The following RBFOX1 variants were observed in gnomAD, a reference collection of about 807,000 sequenced individuals.
The protein encoded by RBFOX1 is RNA binding protein fox-1 homolog 1.
Under a neutral mutation model 57.7 loss-of-function variants are expected in RBFOX1, and 8 were observed. That is an observed-to-expected ratio of 0.14 (90% confidence interval 0.08 to 0.25). The LOEUF (loss-of-function observed/expected upper bound fraction) is 0.25, where lower values mean the gene tolerates loss of function less well. Among genes scored for constraint, RBFOX1 ranks in the 10% least tolerant of loss-of-function variants. The pLI, the probability that RBFOX1 is intolerant of heterozygous loss-of-function variation, is 1.00. For synonymous variants in RBFOX1, 326 were observed against 222.4 expected, an observed-to-expected ratio of 1.47 and a Z score of -4.15; for missense variants, 611 against 548.5, an observed-to-expected ratio of 1.11 and a Z score of -1.14.
chr16:6,212,801 A>G (rs184111038), intron 1 of RBFOX1, among the ~76,000 whole-genome samples: 6 of 152,144 alleles, frequency 3.9e-5, no homozygotes, highest in African/African-American at 7.2e-5. Context: ...TAGATAAGAC[A>G]TACTCTTTAA....
chr16:7,115,529 C>G (rs1012074034), intron 4 of RBFOX1, among the ~76,000 whole-genome samples: 5 of 152,160 alleles, frequency 3.3e-5, no homozygotes, highest in African/African-American at 7.2e-5. Flanking sequence ...TGTCAAGGCT[C>G]TCTTTGAGGG....
At chr16:6,963,222 GTAGCAT>G (rs1243435039) in intron 3 of RBFOX1, among the ~76,000 whole-genome samples, 2 of 152,072 alleles carry the variant, frequency 1.3e-5, no homozygotes. Flanking sequence ...CTGTAAAGAG[GTAGCAT>G]CAAAAGCAGC....
rs118064108 is a variant in RBFOX1 at position 6,065,109 on chromosome 16, C to G, written c.-127+45117C>G. Among the ~76,000 whole-genome samples the G allele has an allele frequency of 1.4e-3, 207 of 151,770 alleles. 3 individuals are homozygous for G. The East Asian group carries it at 0.034, about 25-fold the overall frequency. On this transcript the variant is annotated intron_variant, in intron 1 of 15. Transcript: ENST00000550418. ...ATGGTGTGATCCTGGCTTACTGCAG[C>G]CTTGACCTCCCGGGCTCAAGTGATC...
chr16:5,719,998 G>A (rs986879049), intron 3 of RBFOX1, among the ~76,000 whole-genome samples: 23 of 152,004 alleles, frequency 1.5e-4, no homozygotes, highest in Admixed American at 9.8e-4. Flanking sequence ...ATCTGTTTCC[G>A]AAGCGGCTGC....
intron 1 of RBFOX1, among the ~76,000 whole-genome samples, chr16:5,327,584 C>T (rs1242856089): frequency 6.6e-6 from 1 of 152,178 alleles, no homozygotes; most frequent in African/African-American, 2.4e-5. Flanking sequence ...CCCCAATCTG[C>T]ACAATAGGTT....
At chr16:5,689,814 AAAG>A (rs2050616269) in intron 3 of RBFOX1, among the ~76,000 whole-genome samples, 1 of 151,806 alleles carries the variant, frequency 6.6e-6, no homozygotes, top group African/African-American at 2.4e-5. Flanking sequence ...CCAAAAAAAA[AAAG>A]AAGGAACACA....
chr16:6,007,950 C>T (rs2094937018), intron 4 of RBFOX1, among the ~76,000 whole-genome samples: 3 of 152,122 alleles, frequency 2.0e-5, no homozygotes, highest in Admixed American at 2.0e-4. Flanking sequence ...CAGTGGCTCA[C>T]ATCTGTAATC....
chr16:7,371,665 G>A (rs371438855), intron 4 of RBFOX1, among the ~76,000 whole-genome samples: 8 of 152,120 alleles, frequency 5.3e-5, no homozygotes, highest in African/African-American at 1.4e-4. Context: ...CAGGAGAATC[G>A]CTTGAACCCA....
chr16:6,518,066 G>T (rs189944869), intron 2 of RBFOX1, among the ~76,000 whole-genome samples: 2 of 152,126 alleles, frequency 1.3e-5, no homozygotes, highest in African/African-American at 2.4e-5. Flanking sequence ...TCAAGTTGGA[G>T]ATTTTCCTTT....
At chr16:7,005,003 G>C (rs924920723) in intron 3 of RBFOX1, among the ~76,000 whole-genome samples, 3 of 152,176 alleles carry the variant, frequency 2.0e-5, no homozygotes, top group African/African-American at 7.2e-5. Flanking sequence ...AATTAGCAGA[G>C]CATGATGGTG....
chr16:7,050,940 G>T (rs1190468181), intron 3 of RBFOX1, among the ~76,000 whole-genome samples: 2 of 152,014 alleles, frequency 1.3e-5, no homozygotes, highest in African/African-American at 4.8e-5. Context: ...TTGGGGCTCT[G>T]GTGCATCCTT....
chr16:7,710,399 G>C (rs2083815154), intron 15 of RBFOX1: 1 of 1,389,662 alleles, frequency 7.2e-7, no homozygotes, highest in Non-Finnish European at 9.2e-7. Context: ...TAAGAGGACT[G>C]GCTGACAGAA....
At chr16:6,492,670 C>G (rs1321554437) in intron 2 of RBFOX1, among the ~76,000 whole-genome samples, 1 of 152,104 alleles carries the variant, frequency 6.6e-6, no homozygotes, top group Non-Finnish European at 1.5e-5. Flanking sequence ...TGTGAAGATG[C>G]AGCTTGGTTC....
intron 4 of RBFOX1, among the ~76,000 whole-genome samples, chr16:5,924,964 A>G (rs954376061): frequency 2.0e-5 from 3 of 152,192 alleles, no homozygotes; most frequent in Non-Finnish European, 4.4e-5. Flanking sequence ...AAGTTGGTTC[A>G]GGGACCTTCC....
At chr16:6,143,131 A>T (rs2096731569) in intron 1 of RBFOX1, among the ~76,000 whole-genome samples, 1 of 152,216 alleles carries the variant, frequency 6.6e-6, no homozygotes, top group Non-Finnish European at 1.5e-5. Context: ...TGTCTGGGCC[A>T]CACTTTGTCC....
intron 4 of RBFOX1, among the ~76,000 whole-genome samples, chr16:7,314,468 T>C (rs886322685): frequency 6.6e-6 from 1 of 152,308 alleles, no homozygotes; most frequent in African/African-American, 2.4e-5. Flanking sequence ...TGTGCGGTTG[T>C]GTATGTGTGT....
At chr16:5,538,740 C>T (rs2044807654) in intron 2 of RBFOX1, among the ~76,000 whole-genome samples, 1 of 151,778 alleles carries the variant, frequency 6.6e-6, no homozygotes. Context: ...GATTGTCCTG[C>T]CTTAGACTCC....
intron 4 of RBFOX1, among the ~76,000 whole-genome samples, chr16:7,430,038 C>G (rs969487956): frequency 6.6e-6 from 1 of 152,210 alleles, no homozygotes; most frequent in Non-Finnish European, 1.5e-5. Context: ...CAGCTCCTAA[C>G]ATGATTCTTC....
At chr16:6,601,213 A>G (rs944027685) in intron 2 of RBFOX1, among the ~76,000 whole-genome samples, 3 of 152,164 alleles carry the variant, frequency 2.0e-5, no homozygotes, top group Admixed American at 6.5e-5. Context: ...ATGAAATGGA[A>G]GAGTCTTTTT....
Sources: allele counts gnomAD v4.1 joint callset (sites outside exome capture counted in the v4.1 genomes callset), GRCh38; gene constraint gnomAD v4.1.1; transcripts MANE v1.5; gene names NCBI Gene and HGNC (gene_info 2026-07-23, HGNC 2026-07-21).